MAX: variants seen among roughly 807,000 people sequenced by gnomAD.
MAX encodes the protein MYC associated transcriptional regulator X.
A neutral mutation model predicts 22.3 loss-of-function variants in MAX; 3 were observed. The observed-to-expected ratio is 0.13, with a 90% CI of 0.06 to 0.35. The LOEUF (loss-of-function observed/expected upper bound fraction) is 0.35. MAX is among the 10% of genes least tolerant of loss of function. The pLI, the probability that MAX is intolerant of heterozygous loss-of-function variation, is 1.00. For missense variants in MAX, 119 were observed against 209.4 expected (o/e 0.57, Z 2.66); for synonymous variants, 72 against 77.7 (o/e 0.93, Z 0.39).
In MAX at chr14:65,078,836, T is replaced by C. The variant is rs1184062136; in HGVS notation, c.172-800A>G. On this transcript the variant is annotated intron_variant, in intron 3 of 4. Coordinates refer to ENST00000358664, the MANE Select transcript of MAX (RefSeq NM_002382.5). The surrounding 1 kb of genome is among the most constrained non-coding windows in gnomAD (Gnocchi z 6.4). Reference sequence around the variant, plus strand: ...TGAGCCACTGCATCCGTGAAGGCCTTCTTTGTGACATACAAGGTGCCAAGT... The same window carrying C: ...TGAGCCACTGCATCCGTGAAGGCCTCCTTTGTGACATACAAGGTGCCAAGT... Among the ~76,000 whole-genome samples the C allele has an allele frequency of 6.7e-6, 1 of 148,344 alleles. No homozygotes were observed. Among genetic ancestry groups the C allele is most frequent in the Non-Finnish European group, 1.5e-5 (1 of 68,008 alleles).
In MAX at chr14:65,078,088, G is replaced by A. The variant is rs749039097; in HGVS notation, c.172-52C>T. On this transcript the variant is annotated intron_variant, in intron 3 of 4. Transcript: ENST00000358664. The surrounding 1 kb of genome is among the most constrained non-coding windows in gnomAD (Gnocchi z 6.4). Reference sequence around the variant, plus strand: ...GGGACAAAATAAAAACCCAATCCAGGCAGTGAGGGAACCTGGCCTGCAGCA... The same window carrying A: ...GGGACAAAATAAAAACCCAATCCAGACAGTGAGGGAACCTGGCCTGCAGCA... The A allele has an allele frequency of 1.1e-5, 18 of 1,613,006 alleles. No individual in the cohort carries two copies. Among genetic ancestry groups the A allele is most frequent in the Non-Finnish European group, 1.4e-5 (17 of 1,179,286 alleles).
At position 65,084,069 on chromosome 14, in the gene MAX, C is replaced by T; in HGVS notation, c.172-6033G>A. 5.0e-6 allele frequency: 8 copies of T among 1,596,670 alleles called. No homozygotes were observed. The highest frequency in any genetic ancestry group is 6.8e-6 in the Non-Finnish European group (8 of 1,168,858). ...CTTCCTGCTGCCAGGGCCTCCCCAG[C>T]CACAGGACCATTTTGCTGATTACCA... On this transcript the variant is annotated intron_variant, in intron 3 of 4. Coordinates refer to ENST00000358664, the MANE Select transcript of MAX (RefSeq NM_002382.5). The surrounding 1 kb of genome is among the most constrained non-coding windows in gnomAD (Gnocchi z 4.3).
Position 65,045,631 on chromosome 14 carries a change from T to G in MAX, c.172-39347A>C, listed in dbSNP as rs879632140. ...GGGTTTCACCATGTTGGACAGGCTGTTCTTGAACTCCTTACCTCAGGTGAT... is the reference window on the plus strand; with the variant it reads ...GGGTTTCACCATGTTGGACAGGCTGGTCTTGAACTCCTTACCTCAGGTGAT... On this transcript the variant is annotated intron_variant, in intron 3 of 3. Transcript: ENST00000341653. Among the ~76,000 whole-genome samples, 426 of 152,220 alleles carry G rather than the reference T, an allele frequency of 2.8e-3. 1 individual carries two copies. The highest frequency in any genetic ancestry group is 4.7e-3 in the Non-Finnish European group (318 of 67,996).
At chr14:65,063,353 ATAAT>A (rs1032060167) in intron 3 of MAX, among the ~76,000 whole-genome samples, 1 of 152,234 alleles carries the variant, frequency 6.6e-6, no homozygotes, top group Non-Finnish European at 1.5e-5. Context: ...AATTGCAGTA[ATAAT>A]TAATGTGGTT....
chr14:65,052,179 A>G (rs1183620333), intron 3 of MAX, among the ~76,000 whole-genome samples: 1 of 152,168 alleles, frequency 6.6e-6, no homozygotes, highest in Non-Finnish European at 1.5e-5. Context: ...ATGTCCACTT[A>G]ATGAAATACT....
rs746431726 is a variant in MAX at position 65,030,324 on chromosome 14, C to T, written c.172-24040G>A. ...CCCAATGCCTGCTGGTGGAACTAAA[C>T]TTCCACTGTGCCTTTGGCTGCTAAA... On this transcript the variant is annotated intron_variant, in intron 3 of 3. Coordinates refer to the MAX transcript ENST00000341653. The surrounding 1 kb of genome is among the most constrained non-coding windows in gnomAD (Gnocchi z 4.5). 1.3e-5 allele frequency among the ~76,000 whole-genome samples: 2 copies of T among 152,234 alleles called. No homozygotes were observed. Among genetic ancestry groups the T allele is most frequent in the Non-Finnish European group, 2.9e-5 (2 of 68,050 alleles).
chr14:65,076,039 T>C lies in MAX; in HGVS notation c.*437A>G. The C allele has an allele frequency of 8.6e-7, 1 of 1,160,160 alleles. No individual in the cohort carries two copies. Among genetic ancestry groups the C allele is most frequent in the Non-Finnish European group, 1.1e-6 (1 of 938,804 alleles). 71.9% of individuals were successfully genotyped at this position (1,160,160 alleles called of 1,614,324 possible). A position where few individuals can be genotyped will look rare whatever the true frequency, so the allele number is the denominator to read the frequency against. On this transcript the variant is annotated 3_prime_UTR_variant, in exon 5 of 5. Coordinates refer to ENST00000358664, the MANE Select transcript of MAX (RefSeq NM_002382.5). The surrounding 1 kb of genome is among the most constrained non-coding windows in gnomAD (Gnocchi z 6.6). ...CGGTCATCTTCTCAAAGTAGAGCAG[T>C]TCAGATTCACAAAGTCTATCAGAGG...
intron 3 of MAX, among the ~76,000 whole-genome samples, chr14:65,043,374 T>A (rs2062395194): frequency 6.6e-6 from 1 of 152,214 alleles, no homozygotes; most frequent in Non-Finnish European, 1.5e-5. Flanking sequence ...GTAAAAGATT[T>A]TCTTATATCA....
chr14:65,038,828 T>C (rs1211998876), intron 3 of MAX, among the ~76,000 whole-genome samples: 2 of 152,230 alleles, frequency 1.3e-5, no homozygotes, highest in Non-Finnish European at 2.9e-5. Context: ...TCTAATCCTC[T>C]TGTTTTTATT....
chr14:65,058,124 T>C (rs1223949520), intron 3 of MAX, among the ~76,000 whole-genome samples: 1 of 151,944 alleles, frequency 6.6e-6, no homozygotes, highest in Non-Finnish European at 1.5e-5. Flanking sequence ...TTTTTTTTTC[T>C]TCCTGTCTTC....
chr14:65,084,731 C>T lies in MAX; in HGVS notation c.172-6695G>A, dbSNP rs1037050180. On this transcript the variant is annotated intron_variant, in intron 3 of 4. Coordinates refer to ENST00000358664, the MANE Select transcript of MAX (RefSeq NM_002382.5). This position sits in a 1 kb window ranked among gnomAD's most constrained non-coding sequence, Gnocchi z 4.3. ...AACATGAGCACACTGTATGACCTAGCGAAAAAATATATTATGTAAAAGCAG... is the reference window on the plus strand; with the variant it reads ...AACATGAGCACACTGTATGACCTAGTGAAAAAATATATTATGTAAAAGCAG... Among the ~76,000 whole-genome samples, 15 of 152,134 alleles carry T rather than the reference C, an allele frequency of 9.9e-5. No homozygotes were observed. Among genetic ancestry groups the T allele is most frequent in the Non-Finnish European group, 1.6e-4 (11 of 67,992 alleles).
At position 65,027,180 on chromosome 14, in the gene MAX, G is replaced by A. The variant is rs1285300497; in HGVS notation, c.172-20896C>T. Among the ~76,000 whole-genome samples, 1 of 152,332 alleles carries A rather than the reference G, an allele frequency of 6.6e-6. No homozygotes were observed. Among genetic ancestry groups the A allele is most frequent in the South Asian group, 2.1e-4 (1 of 4,834 alleles). The stretch of plus-strand genomic sequence containing the variant: ...CGGGAGACTCTTACCCCATAGCTAC[G>A]AAAGTCGGTTTCTTCCCAGCCTTGT... On this transcript the variant is annotated intron_variant, in intron 3 of 3. Coordinates refer to the MAX transcript ENST00000341653. The surrounding 1 kb of genome is among the most constrained non-coding windows in gnomAD (Gnocchi z 5.7).
chr14:65,016,336 T>G (rs913550524), intron 3 of MAX, among the ~76,000 whole-genome samples: 9 of 152,186 alleles, frequency 5.9e-5, no homozygotes, highest in Non-Finnish European at 1.3e-4. Context: ...CATCACCATT[T>G]ATATATTAAA....
At position 65,077,624 on chromosome 14, in the gene MAX, C is replaced by A. The variant is rs1479851494; in HGVS notation, c.295+289G>T. 6.1e-6 allele frequency: 7 copies of A among 1,154,598 alleles called. No homozygotes were observed. Among genetic ancestry groups the A allele is most frequent in the Admixed American group, 2.0e-5 (1 of 49,588 alleles). The allele number at this position is 1,154,598 out of a possible 1,614,324, so 71.5% of individuals were successfully genotyped here. On this transcript the variant is annotated intron_variant, in intron 4 of 4. Transcript: ENST00000358664. This position sits in a 1 kb window ranked among gnomAD's most constrained non-coding sequence, Gnocchi z 6.3. ...TCAGACACCTGATGCCAGGTGTGAT[C>A]CCTACTGCAGGCAGAGCACCTGAGC...
chr14:65,009,597 A>G lies in MAX; in HGVS notation c.172-3313T>C, dbSNP rs981216104. The stretch of plus-strand genomic sequence containing the variant: ...TTATTCCAGGCTCACCTCTCCTACT[A>G]TACCCTCATCCCAGCCCTCCTCCAT... On this transcript the variant is annotated intron_variant, in intron 3 of 3. Coordinates refer to the MAX transcript ENST00000341653. This position sits in a 1 kb window ranked among gnomAD's most constrained non-coding sequence, Gnocchi z 4.2. Among the ~76,000 whole-genome samples, 2 of 151,960 alleles carry G rather than the reference A, an allele frequency of 1.3e-5. No homozygotes were observed. Among genetic ancestry groups the G allele is most frequent in the African/African-American group, 2.4e-5 (1 of 41,348 alleles).
Position 65,075,676 on chromosome 14 carries a change from C to A in MAX, c.*800G>T. 1 of 1,066,502 alleles carries A rather than the reference C, an allele frequency of 9.4e-7. No homozygotes were observed. The allele number at this position is 1,066,502 out of a possible 1,614,324, so 66.1% of individuals were successfully genotyped here. On this transcript the variant is annotated 3_prime_UTR_variant, in exon 5 of 5. Coordinates refer to ENST00000358664, the MANE Select transcript of MAX (RefSeq NM_002382.5). The surrounding 1 kb of genome is among the most constrained non-coding windows in gnomAD (Gnocchi z 4.1). ...AAAACATCATCACTGGCCCTCAATACAAAACCTCTATGCCACCCAAAACAC... is the reference window on the plus strand; with the variant it reads ...AAAACATCATCACTGGCCCTCAATAAAAAACCTCTATGCCACCCAAAACAC...
At position 65,030,712 on chromosome 14, in the gene MAX, C is replaced by A. The variant is rs1468979671; in HGVS notation, c.172-24428G>T. On this transcript the variant is annotated intron_variant, in intron 3 of 3. Transcript: ENST00000341653. This position sits in a 1 kb window ranked among gnomAD's most constrained non-coding sequence, Gnocchi z 4.5. ...CCATGATAGCGCCACTGCACTGCAG[C>A]CTGGGCAACAAAGTGAGATCCTATC... Among the ~76,000 whole-genome samples the A allele has an allele frequency of 6.6e-6, 1 of 151,678 alleles. No individual in the cohort carries two copies. The highest frequency in any genetic ancestry group is 2.4e-5 in the African/African-American group (1 of 41,256).
At chr14:65,097,471 C>T (rs193104405) in intron 2 of MAX, among the ~76,000 whole-genome samples, 55 of 152,332 alleles carry the variant, frequency 3.6e-4, no homozygotes, top group African/African-American at 1.3e-3. Flanking sequence ...TTCTCCAGAA[C>T]AATGCCATGT....
In MAX at chr14:65,078,140, G is replaced by A; in HGVS notation, c.172-104C>T. 1 of 1,249,916 alleles carries A rather than the reference G, an allele frequency of 8.0e-7. No individual in the cohort carries two copies. The highest frequency in any genetic ancestry group is 1.2e-6 in the Non-Finnish European group (1 of 855,670). The allele number at this position is 1,249,916 out of a possible 1,614,324, so 77.4% of individuals were successfully genotyped here. On this transcript the variant is annotated intron_variant, in intron 3 of 4. Coordinates refer to ENST00000358664, the MANE Select transcript of MAX (RefSeq NM_002382.5). This position sits in a 1 kb window ranked among gnomAD's most constrained non-coding sequence, Gnocchi z 6.4. Reference sequence around the variant, plus strand: ...CTGCTTGGGTGGCTGGAAACGAGAGGGTAAGGTGGGAAAAGGCTGAAGAAA... The same window carrying A: ...CTGCTTGGGTGGCTGGAAACGAGAGAGTAAGGTGGGAAAAGGCTGAAGAAA...
Sources: allele counts gnomAD v4.1 joint callset (sites outside exome capture counted in the v4.1 genomes callset), GRCh38; gene constraint gnomAD v4.1.1; non-coding constraint Gnocchi (gnomAD v3.1); transcripts MANE v1.5; gene names NCBI Gene and HGNC (gene_info 2026-07-23, HGNC 2026-07-21).